The following NPY2R variants were observed in gnomAD, a reference collection of about 807,000 sequenced individuals.
NPY2R encodes neuropeptide Y receptor type 2.
NPY2R carries 17 observed loss-of-function variants against 22.3 expected under a neutral mutation model. The observed-to-expected ratio is 0.76, with a 90% CI of 0.52 to 1.14. The LOEUF (loss-of-function observed/expected upper bound fraction) is 1.14. NPY2R is among the 50% of genes most tolerant of loss of function. The pLI, the probability that NPY2R is intolerant of heterozygous loss-of-function variation, is 0.00. For synonymous variants in NPY2R, 209 were observed against 183.4 expected (o/e 1.14, Z -1.13); for missense variants, 424 against 467.9 (o/e 0.91, Z 0.87).
rs768686683 is a variant in NPY2R at position 155,214,942 on chromosome 4, G to T, written c.1003G>T (p.Ala335Ser). Residue 335 changes from alanine (A) to serine (S), a missense_variant, in exon 2 of 2, where the codon GCT (alanine) becomes TCT (serine). By Grantham distance (99) the Ala-to-Ser change is moderately conservative. Coordinates refer to ENST00000329476, the MANE Select transcript of NPY2R (RefSeq NM_000910.4). ...YGWMNSNYRK[A>S]FLSAFRCEQR... ...CTGGATGAACAGCAACTACAGAAAG[G>T]CTTTCCTCTCGGCCTTCCGCTGTGA... 4 of 1,614,064 alleles carry T rather than the reference G, an allele frequency of 2.5e-6. No individual in the cohort carries two copies. The Admixed American group carries it at 5.0e-5, about 20-fold the overall frequency.
the NPY2R span, among the ~76,000 whole-genome samples, chr4:155,185,717 TCAAA>T: frequency 6.6e-6 from 1 of 151,568 alleles, no homozygotes; most frequent in African/African-American, 2.4e-5. Flanking sequence ...ACAACAAAAA[TCAAA>T]CAAGTTGTTG....
the NPY2R span, among the ~76,000 whole-genome samples, chr4:155,193,252 T>C: frequency 1.1e-4 from 16 of 152,014 alleles, no homozygotes; most frequent in East Asian, 2.1e-3. Flanking sequence ...TACCCCTCTT[T>C]CACAGATAAG....
At chr4:155,182,602 A>G in the NPY2R span, among the ~76,000 whole-genome samples, 1 of 152,136 alleles carries the variant, frequency 6.6e-6, no homozygotes, top group African/African-American at 2.4e-5. Context: ...GGAGAATCAC[A>G]ATGAAGTTCT....
the NPY2R span, among the ~76,000 whole-genome samples, chr4:155,196,086 G>A: frequency 4.6e-5 from 7 of 152,068 alleles, no homozygotes; most frequent in East Asian, 1.4e-3. Context: ...TGATAATATG[G>A]TCTTCAGAAG....
At chr4:155,204,055 T>A (rs781648648), upstream of NPY2R, among the ~76,000 whole-genome samples, 1 of 152,206 alleles carries the variant, frequency 6.6e-6, no homozygotes, top group Non-Finnish European at 1.5e-5. Flanking sequence ...GTGGCCTGAT[T>A]TGTGGGTTTA....
At chr4:155,203,174 C>T in the NPY2R span, among the ~76,000 whole-genome samples, 110 of 152,192 alleles carry the variant, frequency 7.2e-4, no homozygotes, top group Middle Eastern at 0.014. Context: ...AAATAAAAAG[C>T]CAAATCCACA....
the NPY2R span, among the ~76,000 whole-genome samples, chr4:155,192,900 G>A: frequency 6.6e-6 from 1 of 151,846 alleles, no homozygotes; most frequent in Non-Finnish European, 1.5e-5. Flanking sequence ...CCTGTTGTGG[G>A]TAATAACCCA....
At chr4:155,213,868 T>C in intron 1 of NPY2R, 24 bp from the exon 2 acceptor site, 1 of 1,260,440 alleles carries the variant, frequency 7.9e-7, no homozygotes, top group Non-Finnish European at 1.2e-6. Context: ...TGTTGTTTTG[T>C]TTTATTTTGT....
chr4:155,180,168 C>T, the NPY2R span, among the ~76,000 whole-genome samples: 1 of 152,032 alleles, frequency 6.6e-6, no homozygotes, highest in Non-Finnish European at 1.5e-5. Flanking sequence ...AATCCTCCCA[C>T]CTCAGCCTCC....
chr4:155,200,568 G>A, the NPY2R span, among the ~76,000 whole-genome samples: 1 of 152,094 alleles, frequency 6.6e-6, no homozygotes, highest in Non-Finnish European at 1.5e-5. Context: ...GTTTACTGCA[G>A]CACTATTTAC....
At chr4:155,205,803 TGCTA>T (rs1337591945), upstream of NPY2R, among the ~76,000 whole-genome samples, 2 of 121,494 alleles carry the variant, frequency 1.6e-5, no homozygotes, top group African/African-American at 6.3e-5. Flanking sequence ...TGAGTCAGGC[TGCTA>T]TCTATCTATC....
chr4:155,198,539 T>A, the NPY2R span, among the ~76,000 whole-genome samples: 1 of 85,052 alleles, frequency 1.2e-5, no homozygotes, highest in Admixed American at 1.2e-4. Flanking sequence ...ATATCAAATA[T>A]CTTATATAAA....
At chr4:155,192,400 G>A in the NPY2R span, among the ~76,000 whole-genome samples, 2 of 151,506 alleles carry the variant, frequency 1.3e-5, no homozygotes, top group Non-Finnish European at 2.9e-5. Context: ...TGAAGACATT[G>A]TGAAAAAAAA....
At chr4:155,199,229 A>G in the NPY2R span, among the ~76,000 whole-genome samples, 10 of 151,984 alleles carry the variant, frequency 6.6e-5, no homozygotes, top group African/African-American at 1.9e-4. Flanking sequence ...CCTTTACTGG[A>G]AAATTGCTCT....
the NPY2R span, among the ~76,000 whole-genome samples, chr4:155,178,209 G>T: frequency 2.7e-3 from 418 of 152,204 alleles, 2 homozygotes; most frequent in African/African-American, 9.8e-3. Flanking sequence ...CTTAACTACT[G>T]TTTAAAAACT....
the NPY2R span, among the ~76,000 whole-genome samples, chr4:155,177,475 C>T: frequency 4.6e-5 from 7 of 150,800 alleles, no homozygotes; most frequent in Non-Finnish European, 8.9e-5. Flanking sequence ...CCTCTGGACA[C>T]ACTGGGGTCC....
In NPY2R at chr4:155,214,329, G is replaced by A; in HGVS notation, c.390G>A (p.Gln130=). 6.2e-7 allele frequency: 1 copy of A among 1,614,174 alleles called. No homozygotes were observed. Among genetic ancestry groups the A allele is most frequent in the Non-Finnish European group, 8.5e-7 (1 of 1,180,040 alleles). Residue 130 remains glutamine, a synonymous_variant, in exon 2 of 2, where the codon CAG becomes CAA. Transcript: ENST00000329476. The stretch of plus-strand genomic sequence containing the variant: ...TGTGCCACCTGGTGCCCTATGCCCA[G>A]GGCCTGGCAGTACAAGTATCCACAA... The part of the protein sequence containing the change: ...PVLCHLVPYA[Q]GLAVQVSTIT...
the NPY2R span, among the ~76,000 whole-genome samples, chr4:155,174,462 T>TTATATA: frequency 6.0e-4 from 70 of 116,614 alleles, no homozygotes; most frequent in Admixed American, 9.8e-4. Flanking sequence ...TGGCTAAGCT[T>TTATATA]TATATATATA....
chr4:155,190,933 C>T, the NPY2R span, among the ~76,000 whole-genome samples: 472 of 151,938 alleles, frequency 3.1e-3, 1 homozygote, highest in African/African-American at 0.011. Context: ...TATATGTTTC[C>T]AATTCACAAA....
Sources: allele counts gnomAD v4.1 joint callset (sites outside exome capture counted in the v4.1 genomes callset), GRCh38; gene constraint gnomAD v4.1.1; transcripts MANE v1.5; gene names NCBI Gene and HGNC (gene_info 2026-07-23, HGNC 2026-07-21).